XRCC4: variants seen among roughly 807,000 people sequenced by gnomAD.
XRCC4 encodes the protein X-ray repair cross complementing 4.
A neutral mutation model predicts 39.1 loss-of-function variants in XRCC4; 28 were observed. The ratio of observed to expected loss-of-function variants is 0.72; its 90% CI spans 0.53 to 0.98. The LOEUF (loss-of-function observed/expected upper bound fraction) is 0.98, where lower values mean the gene tolerates loss of function less well. Among genes scored for constraint, XRCC4 ranks in the 50% least tolerant of loss-of-function variants. The probability of loss-of-function intolerance (pLI) is 0.00; values close to 1 mark genes in which losing one functional copy is unlikely to be tolerated. For missense variants in XRCC4, 350 were observed against 376.4 expected (o/e 0.93, Z 0.58); for synonymous variants, 123 against 126.4 (o/e 0.97, Z 0.18).
At chr5:83,345,561 A>G (rs1194219124) in intron 7 of XRCC4, among the ~76,000 whole-genome samples, 3 of 152,166 alleles carry the variant, frequency 2.0e-5, no homozygotes, top group Non-Finnish European at 4.4e-5. Context: ...GCCATCAATC[A>G]CTATTCATTT....
intron 3 of XRCC4, among the ~76,000 whole-genome samples, chr5:83,176,761 A>G (rs1749978526): frequency 6.6e-6 from 1 of 151,884 alleles, no homozygotes; most frequent in African/African-American, 2.4e-5. Context: ...AGCTGGGACT[A>G]CAGGGGCACG....
At chr5:83,165,173 A>G (rs942367551) in intron 3 of XRCC4, among the ~76,000 whole-genome samples, 1 of 152,056 alleles carries the variant, frequency 6.6e-6, no homozygotes, top group Non-Finnish European at 1.5e-5. Context: ...ACAGGTCATA[A>G]TGAAATAATT....
chr5:83,213,576 A>G (rs1751734672), intron 6 of XRCC4, among the ~76,000 whole-genome samples: 1 of 152,170 alleles, frequency 6.6e-6, no homozygotes, highest in South Asian at 2.1e-4. Flanking sequence ...GTAATTTAAG[A>G]TATTTCCACA....
intron 3 of XRCC4, among the ~76,000 whole-genome samples, chr5:83,150,523 G>T (rs1225210064): frequency 2.0e-5 from 3 of 152,102 alleles, no homozygotes; most frequent in Admixed American, 6.5e-5. Flanking sequence ...AAAAAAGCTT[G>T]CTGAAAGATG....
At chr5:83,199,546 C>T (rs1276186714) in intron 4 of XRCC4, among the ~76,000 whole-genome samples, 1 of 152,050 alleles carries the variant, frequency 6.6e-6, no homozygotes, top group Non-Finnish European at 1.5e-5. Context: ...TGCACTGTGT[C>T]TAAATACCAT....
At chr5:83,278,829 A>G (rs1457564679) in intron 7 of XRCC4, among the ~76,000 whole-genome samples, 1 of 151,416 alleles carries the variant, frequency 6.6e-6, no homozygotes, top group Non-Finnish European at 1.5e-5. Context: ...CTACTAAAAT[A>G]CAAAAGAAAT....
chr5:83,090,160 T>C (rs1227457391), intron 1 of XRCC4, among the ~76,000 whole-genome samples: 1 of 152,164 alleles, frequency 6.6e-6, no homozygotes, highest in Non-Finnish European at 1.5e-5. Context: ...CAAGTGATCC[T>C]CCTTCCTAAG....
intron 7 of XRCC4, among the ~76,000 whole-genome samples, chr5:83,285,917 G>T (rs930203374): frequency 6.6e-6 from 1 of 152,098 alleles, no homozygotes; most frequent in Admixed American, 6.6e-5. Flanking sequence ...CTGAAACCAT[G>T]ACTTTTCACA....
chr5:83,123,448 G>T (rs1053844711), intron 3 of XRCC4, among the ~76,000 whole-genome samples: 1 of 151,828 alleles, frequency 6.6e-6, no homozygotes. Context: ...CTTTTAGGAA[G>T]TGTATAGTTG....
chr5:83,088,058 G>A (rs1745261771), intron 1 of XRCC4, among the ~76,000 whole-genome samples: 1 of 152,116 alleles, frequency 6.6e-6, no homozygotes, highest in Admixed American at 6.6e-5. Context: ...TTCATTTTCT[G>A]AACATTGGAT....
At chr5:83,311,487 C>T (rs912383535) in intron 7 of XRCC4, among the ~76,000 whole-genome samples, 8 of 152,072 alleles carry the variant, frequency 5.3e-5, no homozygotes, top group African/African-American at 1.9e-4. Flanking sequence ...ATATATACAT[C>T]TATTACGTAT....
At chr5:83,154,341 CTTTAAAATCTTACATTTTGAG>C (rs2112563159) in intron 3 of XRCC4, among the ~76,000 whole-genome samples, 1 of 152,256 alleles carries the variant, frequency 6.6e-6, no homozygotes, top group Non-Finnish European at 1.5e-5. Context: ...ATTTGAAATG[CTTTAAAATCTTACATTTTGAG>C]TACCAACATG....
rs142320962 is a variant in XRCC4, at chr5:83,135,349, G to A, written c.315+24146G>A. On this transcript the variant is annotated intron_variant, in intron 3 of 7. Coordinates refer to ENST00000396027, the MANE Select transcript of XRCC4 (RefSeq NM_003401.5). ...GAGCTGTTCCTATTCGGCCATCTTG[G>A]AAACTCCTCCTACCTTATCTTTCTT... 5.4e-3 allele frequency among the ~76,000 whole-genome samples: 816 copies of A among 151,952 alleles called. 7 individuals are homozygous for A. Among genetic ancestry groups the A allele is most frequent in the African/African-American group, 0.019 (785 of 41,454 alleles).
At chr5:83,227,023 TAG>T (rs1279339749) in intron 6 of XRCC4, among the ~76,000 whole-genome samples, 2 of 152,108 alleles carry the variant, frequency 1.3e-5, no homozygotes, top group Non-Finnish European at 2.9e-5. Flanking sequence ...TTCCCTGTGT[TAG>T]AGTTTTTCTC....
chr5:83,336,379 G>T (rs1756595292), intron 7 of XRCC4, among the ~76,000 whole-genome samples: 1 of 151,958 alleles, frequency 6.6e-6, no homozygotes, highest in African/African-American at 2.4e-5. Context: ...GAATTTCTTG[G>T]TTTAACATTT....
chr5:83,270,023 A>G (rs368685169), intron 7 of XRCC4, among the ~76,000 whole-genome samples: 57,053 of 152,024 alleles, frequency 0.38, 13,994 homozygotes, highest in East Asian at 0.81. Flanking sequence ...TCACCTCACA[A>G]ATGGTCCCAT....
chr5:83,116,627 T>G lies in XRCC4; in HGVS notation c.315+5424T>G, dbSNP rs1262279334. 4.3e-5 allele frequency among the ~76,000 whole-genome samples: 6 copies of G among 139,714 alleles called. 1 individual carries two copies. The highest frequency in any genetic ancestry group is 1.6e-4 in the African/African-American group (6 of 38,180). 91.7% of individuals were successfully genotyped at this position (139,714 alleles called of 152,430 possible). ...CTCTCTCTTTTTTTTTTTTTTTTTT[T>G]TTTTTTTTTTTTGAGATGGAGCCTC... On this transcript the variant is annotated intron_variant, in intron 3 of 7. Coordinates refer to ENST00000396027, the MANE Select transcript of XRCC4 (RefSeq NM_003401.5).
intron 3 of XRCC4, among the ~76,000 whole-genome samples, chr5:83,145,052 C>T (rs879406517): frequency 2.8e-4 from 43 of 152,194 alleles, no homozygotes; most frequent in Non-Finnish European, 5.1e-4. Context: ...CCCGCCACCA[C>T]GCCTGGCTAA....
At chr5:83,300,141 A>G (rs1341067253) in intron 7 of XRCC4, among the ~76,000 whole-genome samples, 1 of 152,184 alleles carries the variant, frequency 6.6e-6, no homozygotes, top group Non-Finnish European at 1.5e-5. Flanking sequence ...AACATATCCA[A>G]GTGATTTGCA....
Sources: allele counts gnomAD v4.1 joint callset (sites outside exome capture counted in the v4.1 genomes callset), GRCh38; gene constraint gnomAD v4.1.1; transcripts MANE v1.5; gene names NCBI Gene and HGNC (gene_info 2026-07-23, HGNC 2026-07-21).